The following ZNF106 variants were observed in gnomAD, a reference collection of about 807,000 sequenced individuals.
ZNF106 encodes zinc finger protein 106, also known as SH3-domain binding protein 3.
A neutral mutation model predicts 195.1 loss-of-function variants in ZNF106; 67 were observed. The ratio of observed to expected loss-of-function variants is 0.34; its 90% CI spans 0.28 to 0.42. The LOEUF is 0.42. ZNF106 is among the 10% of genes least tolerant of loss of function. The pLI is 1.00. For missense variants in ZNF106, 2,118 were observed against 2,304.5 expected, an observed-to-expected ratio of 0.92 and a Z score of 1.66; for synonymous variants, 784 against 818.6, an observed-to-expected ratio of 0.96 and a Z score of 0.72.
At chr15:42,440,994 AAAAAATATATATATATATATATATATAT>A (rs2055487554) in intron 10 of ZNF106, among the ~76,000 whole-genome samples, 2 of 54,482 alleles carry the variant, frequency 3.7e-5, no homozygotes, top group African/African-American at 2.7e-4. Flanking sequence ...AAAAAAAAAA[AAAAAATATATATATATATATATATATAT>A]ATATATATAT....
chr15:42,450,447 G>C lies in ZNF106; in HGVS notation c.1825C>G (p.Leu609Val). ...GTCTCTCCATCACTTTCATCTTCTA[G>C]TGCGTGCACTTGAAACTCAATTTTC... ...SLKIEFQVHA[L>V]EDESDGETSD... is the part of the protein sequence containing the mutation. Residue 609 changes from leucine to valine, a missense_variant, in exon 5 of 22, where the codon CTA becomes GTA. Leu to Val is a conservative substitution (Grantham distance 32, BLOSUM62 1). Coordinates refer to ENST00000564754, the MANE Select transcript of ZNF106 (RefSeq NM_001366845.3). The C allele has an allele frequency of 6.2e-7, 1 of 1,614,100 alleles. No homozygotes were observed. The highest frequency in any genetic ancestry group is 8.5e-7 in the Non-Finnish European group (1 of 1,180,036).
At chr15:42,486,861 A>T (rs780742032) in intron 1 of ZNF106, among the ~76,000 whole-genome samples, 6 of 152,036 alleles carry the variant, frequency 3.9e-5, no homozygotes, top group East Asian at 1.9e-4. Flanking sequence ...TAAAAAATTA[A>T]TTTTTTTGGC....
rs16952489 is a variant in ZNF106, at chr15:42,468,449, A to G, written c.55-2335T>C. Among the ~76,000 whole-genome samples, 551 of 152,104 alleles carry G rather than the reference A, an allele frequency of 3.6e-3. 4 individuals carry two copies. The highest frequency in any genetic ancestry group is 0.013 in the African/African-American group (522 of 41,532). On this transcript the variant is annotated intron_variant, in intron 2 of 21. Coordinates refer to ENST00000564754, the MANE Select transcript of ZNF106 (RefSeq NM_001366845.3). Reference sequence around the variant, plus strand: ...TCCTTCCTAGCTCTACAGATGCTTCATAAGGAGAGAGTAGGCCAGGTGCGG... The same window carrying G: ...TCCTTCCTAGCTCTACAGATGCTTCGTAAGGAGAGAGTAGGCCAGGTGCGG...
At chr15:42,460,856 G>A (rs868540707) in intron 3 of ZNF106, among the ~76,000 whole-genome samples, 8 of 119,124 alleles carry the variant, frequency 6.7e-5, no homozygotes, top group South Asian at 2.4e-4. Flanking sequence ...GCAAAACTCC[G>A]TCTCAAAAAA....
At position 42,451,204 on chromosome 15, in the gene ZNF106, T is replaced by C; in HGVS notation, c.1068A>G (p.Lys356=). ...CCGCACTGCCATTCTTTCCACTAAC[T>C]TTGGAAGTAGCAGTGTCTGCTTGTT... ...TTKQADTATS[K]VSGKNGSAAR... The change falls in exon 5 of 22, where the codon AAA becomes AAG. Residue 356 remains lysine, a synonymous_variant. Coordinates refer to ENST00000564754, the MANE Select transcript of ZNF106 (RefSeq NM_001366845.3). The C allele has an allele frequency of 6.2e-7, 1 of 1,614,076 alleles. No homozygotes were observed. The highest frequency in any genetic ancestry group is 8.5e-7 in the Non-Finnish European group (1 of 1,180,010).
At chr15:42,457,631 C>T in intron 3 of ZNF106, 1 of 728,192 alleles carries the variant, frequency 1.4e-6, no homozygotes. Context: ...CGCAGCCAAT[C>T]CCAAGTCGGT....
chr15:42,440,931 C>T (rs1321777811), intron 10 of ZNF106, among the ~76,000 whole-genome samples: 21 of 134,378 alleles, frequency 1.6e-4, no homozygotes, highest in Non-Finnish European at 2.8e-4. Flanking sequence ...TGCCGTGAGC[C>T]AAGAGCATGC....
intron 6 of ZNF106, among the ~76,000 whole-genome samples, chr15:42,447,703 A>G (rs1016292739): frequency 1.1e-4 from 16 of 152,234 alleles, no homozygotes; most frequent in African/African-American, 3.6e-4. Flanking sequence ...TCCATGCCCT[A>G]CAAGTGCAAC....
In ZNF106 at chr15:42,457,064, C is replaced by T. The variant is rs571233904; in HGVS notation, c.211G>A (p.Val71Ile). Residue 71 changes from valine (V) to isoleucine (I), a missense_variant, in exon 4 of 22, where the codon GTT (valine) becomes ATT (isoleucine). Transcript: ENST00000564754. ...TCATCTTCTCTTTCCTGGGCATCAACGTTATCTTTGTGCAACTGGCCAGAA... is the reference window on the plus strand; with the variant it reads ...TCATCTTCTCTTTCCTGGGCATCAATGTTATCTTTGTGCAACTGGCCAGAA... ...HISGQLHKDN[V>I]DAQEREDDGK... The T allele has an allele frequency of 1.9e-5, 30 of 1,612,230 alleles. No homozygotes were observed. The highest frequency in any genetic ancestry group is 6.7e-5 in the African/African-American group (5 of 75,014).
At position 42,442,079 on chromosome 15, in the gene ZNF106, C is replaced by T. The variant is rs201926304; in HGVS notation, c.3757G>A (p.Ala1253Thr). The change falls in exon 10 of 22, where the codon GCT becomes ACT. Residue 1253 changes from alanine to threonine, a missense_variant. Physicochemically the swap from Ala to Thr is moderately conservative, Grantham distance 58. Coordinates refer to ENST00000564754, the MANE Select transcript of ZNF106 (RefSeq NM_001366845.3). Reference protein sequence around the residue: ...ACNVSKELLEANREISDSCPV... With the variant: ...ACNVSKELLETNREISDSCPV... Reference sequence around the variant, plus strand: ...CAGAGAAAAGCTTACATACTATTAGCTTCCAGTAATTCCTTGGACACATTG... The same window carrying T: ...CAGAGAAAAGCTTACATACTATTAGTTTCCAGTAATTCCTTGGACACATTG... The T allele has an allele frequency of 6.2e-7, 1 of 1,607,848 alleles. No homozygotes were observed.
chr15:42,445,880 G>C (rs1272992024), intron 7 of ZNF106, among the ~76,000 whole-genome samples: 4 of 152,200 alleles, frequency 2.6e-5, no homozygotes, highest in African/African-American at 4.8e-5. Flanking sequence ...ACATCAATGA[G>C]GGAGCAATGT....
At chr15:42,484,491 G>A (rs1315858331) in intron 1 of ZNF106, among the ~76,000 whole-genome samples, 1 of 152,220 alleles carries the variant, frequency 6.6e-6, no homozygotes, top group Non-Finnish European at 1.5e-5. Context: ...GATAGGCATG[G>A]CGGCTCACGC....
At chr15:42,454,995 T>C (rs1020858036) in intron 4 of ZNF106, among the ~76,000 whole-genome samples, 3 of 152,208 alleles carry the variant, frequency 2.0e-5, no homozygotes, top group Non-Finnish European at 4.4e-5. Flanking sequence ...ATGTCTAATC[T>C]ATTCTGACTT....
At chr15:42,452,991 G>A (rs1306918600) in intron 4 of ZNF106, among the ~76,000 whole-genome samples, 2 of 151,964 alleles carry the variant, frequency 1.3e-5, no homozygotes, top group African/African-American at 4.8e-5. Context: ...ACTGCGCCCG[G>A]CCTAGTTATC....
At chr15:42,418,047 C>T (rs2141249570) in intron 20 of ZNF106, 96 bp from the exon 21 acceptor site, 1 of 1,271,694 alleles carries the variant, frequency 7.9e-7, no homozygotes, top group Non-Finnish European at 1.0e-6. Context: ...ACTATGGAAG[C>T]AAAAAGCCAG....
intron 1 of ZNF106, among the ~76,000 whole-genome samples, chr15:42,483,465 G>A (rs1036678536): frequency 6.6e-6 from 1 of 152,156 alleles, no homozygotes; most frequent in Non-Finnish European, 1.5e-5. Context: ...AATAGCAGCT[G>A]TTCATGAGGT....
At chr15:42,431,158 A>G (rs1363272242) in intron 14 of ZNF106, among the ~76,000 whole-genome samples, 2 of 151,710 alleles carry the variant, frequency 1.3e-5, no homozygotes, top group Admixed American at 1.3e-4. Context: ...ATATTTGGGG[A>G]TTTCTTAGAT....
rs1595854773 is a variant in ZNF106 at position 42,415,604 on chromosome 15, G to A, written c.*1700C>T. The A allele has an allele frequency of 2.5e-6, 1 of 396,772 alleles. No individual in the cohort carries two copies. Among genetic ancestry groups the A allele is most frequent in the African/African-American group, 2.1e-5 (1 of 48,064 alleles). The allele number at this position is 396,772 out of a possible 1,614,324, so 24.6% of individuals were successfully genotyped here. ...ATAGCCTGAGGGAAGACATGTGAGT[G>A]GATATATGTGCACTAACAGGGGCGA... On this transcript the variant is annotated 3_prime_UTR_variant, in exon 22 of 22. Coordinates refer to ENST00000564754, the MANE Select transcript of ZNF106 (RefSeq NM_001366845.3).
At chr15:42,474,958 G>A (rs1447052294) in intron 1 of ZNF106, among the ~76,000 whole-genome samples, 1 of 152,034 alleles carries the variant, frequency 6.6e-6, no homozygotes, top group African/African-American at 2.4e-5. Context: ...TCCTCATTTG[G>A]GGTACATTCC....
Sources: gnomAD v4.1 joint callset for allele counts (sites outside exome capture counted in the v4.1 genomes callset) on GRCh38, gnomAD v4.1.1 for gene constraint, MANE v1.5 for transcripts, NCBI Gene and HGNC (gene_info 2026-07-23, HGNC 2026-07-21) for gene names.